The following ODR4 variants were observed in gnomAD, a reference collection of about 807,000 sequenced individuals.
The protein encoded by ODR4 is protein odr-4 homolog.
In ODR4, 47 loss-of-function variants were observed where a neutral mutation model predicts 60.2. The ratio of observed to expected loss-of-function variants is 0.78; its 90% CI spans 0.62 to 1.00. ODR4 has a LOEUF of 1.00. ODR4 is among the 50% of genes least tolerant of loss of function. The pLI is 0.00. For missense variants in ODR4, 488 were observed against 530.8 expected (o/e 0.92, Z 0.79); for synonymous variants, 178 against 175.5 (o/e 1.01, Z -0.11).
At position 186,406,352 on chromosome 1, in the gene ODR4, T is replaced by A. The variant is rs978884088; in HGVS notation, c.1186+84T>A. ...AGATGTCTAGTTTAAATATCATGTC[T>A]TTAGATTTTTTTTAAAGCTAGTTCT... On this transcript the variant is annotated intron_variant, in intron 12 of 13. Transcript: ENST00000287859. The A allele has an allele frequency of 2.9e-6, 3 of 1,039,518 alleles. No individual in the cohort carries two copies. In the African/African-American group the frequency reaches 4.9e-5, roughly 17 times the overall value. 64.4% of individuals were successfully genotyped at this position (1,039,518 alleles called of 1,614,324 possible).
intron 1 of ODR4, among the ~76,000 whole-genome samples, chr1:186,378,583 C>T (rs987230381): frequency 3.3e-5 from 5 of 152,260 alleles, no homozygotes; most frequent in Non-Finnish European, 2.9e-5. Flanking sequence ...AAGAGCTACC[C>T]GTAGTAATGA....
At chr1:186,404,416 C>CT (rs1276187155) in intron 11 of ODR4, among the ~76,000 whole-genome samples, 1 of 151,908 alleles carries the variant, frequency 6.6e-6, no homozygotes, top group Non-Finnish European at 1.5e-5. Context: ...ATTTTTTTAG[C>CT]TTGTTATTTT....
the ODR4 span, among the ~76,000 whole-genome samples, chr1:186,428,611 G>C: frequency 1.3e-5 from 2 of 152,296 alleles, no homozygotes; most frequent in African/African-American, 4.8e-5. Context: ...GCTGTTTGTT[G>C]CAAGAGGCTT....
chr1:186,388,350 A>G lies in ODR4; in HGVS notation c.331-92A>G, dbSNP rs1571668002. 3 of 655,428 alleles carry G rather than the reference A, an allele frequency of 4.6e-6. No homozygotes were observed. In the East Asian group the frequency reaches 9.5e-5, roughly 21 times the overall value. The allele number at this position is 655,428 out of a possible 1,614,324, so 40.6% of individuals were successfully genotyped here. On this transcript the variant is annotated intron_variant, in intron 4 of 13. Transcript: ENST00000287859. ...AAGAATCATGGAATTTTAAAGCTAAATGAGAGTTGGGGACATTATAATTGC... is the reference window on the plus strand; with the variant it reads ...AAGAATCATGGAATTTTAAAGCTAAGTGAGAGTTGGGGACATTATAATTGC...
At chr1:186,413,204 A>C (rs1266805531) in intron 12 of ODR4, among the ~76,000 whole-genome samples, 3 of 151,978 alleles carry the variant, frequency 2.0e-5, no homozygotes, top group Non-Finnish European at 2.9e-5. Context: ...AAGGAAATAT[A>C]CTCATTAGAA....
intron 3 of ODR4, among the ~76,000 whole-genome samples, chr1:186,384,512 A>G (rs1450280766): frequency 6.6e-6 from 1 of 151,208 alleles, no homozygotes; most frequent in African/African-American, 2.4e-5. Flanking sequence ...TAAATTCCCA[A>G]TGGTTTGTAA....
At chr1:186,394,205 C>T (rs915672814) in intron 9 of ODR4, among the ~76,000 whole-genome samples, 190 bp downstream of exon 9, 7 of 152,014 alleles carry the variant, frequency 4.6e-5, no homozygotes, top group Non-Finnish European at 8.8e-5. Flanking sequence ...TTTTTTGCCT[C>T]AAGGATATTA....
chr1:186,391,409 G>A (rs1660464741), intron 7 of ODR4, among the ~76,000 whole-genome samples: 1 of 147,656 alleles, frequency 6.8e-6, no homozygotes, highest in African/African-American at 2.5e-5. Context: ...TTAAGGTAGT[G>A]GGCATTAAAT....
chr1:186,422,734 C>G (rs1362989622), downstream of ODR4, among the ~76,000 whole-genome samples: 1 of 151,908 alleles, frequency 6.6e-6, no homozygotes, highest in Non-Finnish European at 1.5e-5. Flanking sequence ...TGAAACAGCA[C>G]TTTGAGGGAA....
chr1:186,418,294 T>C (rs867918597), intron 13 of ODR4, among the ~76,000 whole-genome samples: 5,813 of 143,382 alleles, frequency 0.041, 262 homozygotes, highest in African/African-American at 0.14. Flanking sequence ...TCTTTCTTTT[T>C]TTTTTTTTTT....
intron 2 of ODR4, among the ~76,000 whole-genome samples, chr1:186,380,805 T>C (rs1659992760): frequency 6.6e-6 from 1 of 152,232 alleles, no homozygotes; most frequent in African/African-American, 2.4e-5. Context: ...CTTTCTTTTA[T>C]AATTTGATGC....
chr1:186,423,443 C>CTTTTTTTT (rs34515188), downstream of ODR4, among the ~76,000 whole-genome samples: 8 of 44,738 alleles, frequency 1.8e-4, 2 homozygotes, highest in Non-Finnish European at 2.9e-4. Context: ...ACTACTTGTG[C>CTTTTTTTT]TTTTTTTTTT....
chr1:186,414,965 T>C (rs545636983), intron 12 of ODR4, among the ~76,000 whole-genome samples: 5 of 152,168 alleles, frequency 3.3e-5, no homozygotes, highest in Admixed American at 6.5e-5. Context: ...TGAGCTAATA[T>C]AGTCTAGAAC....
chr1:186,423,110 C>T (rs2102108788), downstream of ODR4, among the ~76,000 whole-genome samples: 1 of 152,250 alleles, frequency 6.6e-6, no homozygotes, highest in Non-Finnish European at 1.5e-5. Flanking sequence ...TATACTTATT[C>T]ATAGGTTGAA....
chr1:186,385,403 G>A (rs1230923765), intron 3 of ODR4, among the ~76,000 whole-genome samples: 1 of 150,682 alleles, frequency 6.6e-6, no homozygotes, highest in Non-Finnish European at 1.5e-5. Flanking sequence ...TATGATATAA[G>A]ACTATGTGAT....
chr1:186,421,639 A>C (rs1036201152), downstream of ODR4, among the ~76,000 whole-genome samples: 2 of 152,062 alleles, frequency 1.3e-5, no homozygotes, highest in African/African-American at 4.8e-5. Context: ...TGAGGCAGGC[A>C]GATCACTTGG....
chr1:186,408,204 G>A (rs986717691), intron 12 of ODR4, among the ~76,000 whole-genome samples: 11 of 152,138 alleles, frequency 7.2e-5, no homozygotes, highest in Non-Finnish European at 1.5e-4. Flanking sequence ...TACATTGCTC[G>A]TAATGGTGGA....
At chr1:186,413,493 A>G (rs1661446714) in intron 12 of ODR4, among the ~76,000 whole-genome samples, 1 of 152,166 alleles carries the variant, frequency 6.6e-6, no homozygotes, top group African/African-American at 2.4e-5. Flanking sequence ...GAGGTGAGGG[A>G]TAACTATGGC....
chr1:186,423,443 C>CTTTTTT (rs34515188), downstream of ODR4, among the ~76,000 whole-genome samples: 23 of 44,740 alleles, frequency 5.1e-4, 1 homozygote, highest in East Asian at 9.0e-4. Flanking sequence ...ACTACTTGTG[C>CTTTTTT]TTTTTTTTTT....
Sources: gnomAD v4.1 joint callset for allele counts (sites outside exome capture counted in the v4.1 genomes callset) on GRCh38, gnomAD v4.1.1 for gene constraint, MANE v1.5 for transcripts, NCBI Gene and HGNC (gene_info 2026-07-23, HGNC 2026-07-21) for gene names.